Variants in AGPS observed in about 807,000 individuals in gnomAD.
AGPS encodes the protein alkyldihydroxyacetonephosphate synthase, peroxisomal.
AGPS carries 26 observed loss-of-function variants against 90.7 expected under a neutral mutation model. The ratio of observed to expected loss-of-function variants is 0.29; its 90% CI spans 0.21 to 0.40. The LOEUF (loss-of-function observed/expected upper bound fraction) is 0.40, where lower values mean the gene tolerates loss of function less well. AGPS is among the 10% of genes least tolerant of loss of function. The probability of loss-of-function intolerance (pLI) is 1.00; values close to 1 mark genes in which losing one functional copy is unlikely to be tolerated. For synonymous variants in AGPS, 294 were observed against 285.3 expected (o/e 1.03, Z -0.31); for missense variants, 540 against 816.1 (o/e 0.66, Z 4.12).
At chr2:177,496,525 T>A (rs531605757) in intron 12 of AGPS, among the ~76,000 whole-genome samples, 15 of 152,270 alleles carry the variant, frequency 9.9e-5, no homozygotes, top group Admixed American at 9.8e-4. Context: ...TTACTTGTGA[T>A]CCAGGAGCTC....
intron 10 of AGPS, among the ~76,000 whole-genome samples, chr2:177,472,478 G>A (rs1407853523): frequency 1.3e-5 from 2 of 151,918 alleles, no homozygotes; most frequent in African/African-American, 2.4e-5. Flanking sequence ...CCTGTTGCTT[G>A]ATTGATGATA....
chr2:177,397,832 C>A (rs763596531), intron 1 of AGPS, among the ~76,000 whole-genome samples: 1 of 152,136 alleles, frequency 6.6e-6, no homozygotes, highest in Non-Finnish European at 1.5e-5. Context: ...AATTCAAGAC[C>A]AGCCTGGGTA....
intron 1 of AGPS, among the ~76,000 whole-genome samples, chr2:177,411,555 TAC>T (rs1685620594): frequency 6.6e-6 from 1 of 152,168 alleles, no homozygotes; most frequent in African/African-American, 2.4e-5. Context: ...CTGACTGAGA[TAC>T]CAGAGATCGC....
At chr2:177,458,154 A>C (rs1291321080) in intron 8 of AGPS, among the ~76,000 whole-genome samples, 1 of 152,206 alleles carries the variant, frequency 6.6e-6, no homozygotes, top group Non-Finnish European at 1.5e-5. Flanking sequence ...TCATGCTAAA[A>C]ACTCTCAATA....
intron 2 of AGPS, among the ~76,000 whole-genome samples, chr2:177,433,811 C>G (rs1015739451): frequency 6.6e-6 from 1 of 151,924 alleles, no homozygotes; most frequent in Non-Finnish European, 1.5e-5. Flanking sequence ...CTAGAAGATT[C>G]CAGTATGTAT....
chr2:177,434,997 GTATATATATATATATATA>G (rs1553509324), intron 3 of AGPS, among the ~76,000 whole-genome samples: 1 of 128,160 alleles, frequency 7.8e-6, no homozygotes, highest in African/African-American at 3.1e-5. Flanking sequence ...TAAACTGTAG[GTATATATATATATATATA>G]TATATATATG....
chr2:177,473,200 T>A (rs1468075612), intron 10 of AGPS, among the ~76,000 whole-genome samples: 1 of 152,228 alleles, frequency 6.6e-6, no homozygotes, highest in African/African-American at 2.4e-5. Flanking sequence ...CCTTGTATGC[T>A]GAAGATCTAG....
In AGPS at chr2:177,492,419, A is replaced by C. The variant is rs1179350778; in HGVS notation, c.1234-729A>C. Among the ~76,000 whole-genome samples the C allele has an allele frequency of 2.6e-5, 4 of 152,236 alleles. No individual in the cohort carries two copies. The East Asian group carries it at 7.7e-4, about 29-fold the overall frequency. On this transcript the variant is annotated intron_variant, in intron 11 of 19. Transcript: ENST00000264167. ...CATTTCAGATTTGTAAACGTGAAGAAAACTGATTTTCCTTTAGTATTTTTG... is the reference window on the plus strand; with the variant it reads ...CATTTCAGATTTGTAAACGTGAAGACAACTGATTTTCCTTTAGTATTTTTG...
At chr2:177,503,288 A>C (rs1366534532) in intron 14 of AGPS, among the ~76,000 whole-genome samples, 2 of 152,226 alleles carry the variant, frequency 1.3e-5, no homozygotes, top group Admixed American at 1.3e-4. Context: ...GAGCAGAATA[A>C]ACATTACCTG....
chr2:177,534,795 C>T (rs2079169298), intron 19 of AGPS, among the ~76,000 whole-genome samples: 1 of 133,170 alleles, frequency 7.5e-6, no homozygotes, highest in Admixed American at 8.0e-5. Flanking sequence ...AATGGGGTCT[C>T]ACTATGTTAC....
chr2:177,532,507 CT>C (rs2079147501), intron 19 of AGPS, among the ~76,000 whole-genome samples: 1 of 152,132 alleles, frequency 6.6e-6, no homozygotes, highest in Non-Finnish European at 1.5e-5. Flanking sequence ...TCGTACATTG[CT>C]TGGGGGAATG....
intron 6 of AGPS, among the ~76,000 whole-genome samples, chr2:177,441,653 G>T (rs1189897811): frequency 1.3e-5 from 2 of 152,146 alleles, no homozygotes; most frequent in Non-Finnish European, 2.9e-5. Context: ...TGTACTTCTT[G>T]TGGAAGGTGA....
In AGPS at chr2:177,425,446, C is replaced by CCCTG. The variant is rs1686051555; in HGVS notation, c.350+5089_350+5092dup. The stretch of plus-strand genomic sequence containing the variant: ...GACCAGCCTGACCAACATGGAGAAA[C>CCCTG]CCTGTCTCTACTAAAAATACAAAAA... On this transcript the variant is annotated intron_variant, in intron 2 of 19. Coordinates refer to ENST00000264167, the MANE Select transcript of AGPS (RefSeq NM_003659.4). Among the ~76,000 whole-genome samples, 3 of 151,890 alleles carry CCCTG rather than the reference C, an allele frequency of 2.0e-5. No individual in the cohort carries two copies. The South Asian group carries it at 6.3e-4, about 32-fold the overall frequency.
intron 2 of AGPS, among the ~76,000 whole-genome samples, chr2:177,422,636 G>A (rs1232437904): frequency 1.3e-5 from 2 of 152,112 alleles, no homozygotes; most frequent in African/African-American, 4.8e-5. Flanking sequence ...TTCCCCAAAC[G>A]TATAAATGGG....
chr2:177,519,016 T>A (rs1386219558), intron 17 of AGPS, among the ~76,000 whole-genome samples: 1 of 151,890 alleles, frequency 6.6e-6, no homozygotes, highest in African/African-American at 2.4e-5. Flanking sequence ...TTCTGTAGAG[T>A]TGGTGCTGAG....
At chr2:177,499,587 T>A in intron 13 of AGPS, 31 bp from the exon 14 acceptor site, 1 of 1,356,274 alleles carries the variant, frequency 7.4e-7, no homozygotes, top group Non-Finnish European at 1.0e-6. Flanking sequence ...ATAAGACTTA[T>A]CTGTAATAAT....
At position 177,393,065 on chromosome 2, in the gene AGPS, T is replaced by C; in HGVS notation, c.260+16T>C. The C allele has an allele frequency of 1.3e-6, 2 of 1,550,036 alleles. No individual in the cohort carries two copies. Among genetic ancestry groups the C allele is most frequent in the Admixed American group, 2.0e-5 (1 of 50,992 alleles). The stretch of plus-strand genomic sequence containing the variant: ...CAAAGAAGCGGTGAGTAGCGGTATG[T>C]GGAAGGAGTTAGCGTCGAGGGACCA... On this transcript the variant is annotated intron_variant, in intron 1 of 19. Transcript: ENST00000264167.
chr2:177,508,832 C>G (rs1241312117), intron 16 of AGPS, among the ~76,000 whole-genome samples: 1 of 152,122 alleles, frequency 6.6e-6, no homozygotes, highest in African/African-American at 2.4e-5. Flanking sequence ...CATCCCAAAT[C>G]TGGAAATTTC....
At chr2:177,512,798 G>A (rs989358012) in intron 16 of AGPS, among the ~76,000 whole-genome samples, 1 of 152,164 alleles carries the variant, frequency 6.6e-6, no homozygotes, top group Non-Finnish European at 1.5e-5. Context: ...TGTCAAACTG[G>A]ATTTCAGCTT....
Sources: allele counts gnomAD v4.1 joint callset (sites outside exome capture counted in the v4.1 genomes callset), GRCh38; gene constraint gnomAD v4.1.1; transcripts MANE v1.5; gene names NCBI Gene and HGNC (gene_info 2026-07-23, HGNC 2026-07-21).